FAAH2: variants seen among roughly 807,000 people sequenced by gnomAD.
FAAH2 encodes the protein fatty acid amide hydrolase 2.
FAAH2 carries 60 observed loss-of-function variants against 36.9 expected under a neutral mutation model. The ratio of observed to expected loss-of-function variants is 1.63; its 90% CI spans 1.32 to 2.02. The LOEUF is 2.02. Among genes scored for constraint, FAAH2 ranks in the 30% most tolerant of loss-of-function variants. The probability of loss-of-function intolerance (pLI) is 0.00; values close to 1 mark genes in which losing one functional copy is unlikely to be tolerated. For missense variants in FAAH2, 689 were observed against 397.5 expected, an observed-to-expected ratio of 1.73 and a Z score of -6.23; for synonymous variants, 214 against 143.8, an observed-to-expected ratio of 1.49 and a Z score of -3.49.
At chrX:57,192,680 A>G in the FAAH2 span, among the ~76,000 whole-genome samples, 1 of 111,999 alleles carries the variant, frequency 8.9e-6, no homozygotes, top group Non-Finnish European at 1.9e-5. Flanking sequence ...GGGACCCCAA[A>G]TGGAAGGACT....
the FAAH2 span, among the ~76,000 whole-genome samples, chrX:57,254,285 T>A: frequency 9.0e-6 from 1 of 111,667 alleles, no homozygotes; most frequent in South Asian, 3.7e-4. Flanking sequence ...AAGTCCTTAG[T>A]GACCTACAAA....
At chrX:57,175,664 C>T in the FAAH2 span, among the ~76,000 whole-genome samples, 22 of 111,168 alleles carry the variant, frequency 2.0e-4, no homozygotes, top group Admixed American at 6.7e-4. Context: ...TTTATAGGCC[C>T]TGTGAGTTTT....
intron 5 of FAAH2, among the ~76,000 whole-genome samples, chrX:57,365,355 C>T (rs1160442657): frequency 6.3e-5 from 7 of 112,000 alleles, no homozygotes; most frequent in Non-Finnish European, 1.3e-4. Context: ...GTTGGAATTT[C>T]TTTTGTATAG....
chrX:57,208,555 G>T, the FAAH2 span, among the ~76,000 whole-genome samples: 1 of 111,610 alleles, frequency 9.0e-6, no homozygotes, highest in Non-Finnish European at 1.9e-5. Flanking sequence ...GCTGGGACCA[G>T]CTCAGTCGTG....
intron 5 of FAAH2, among the ~76,000 whole-genome samples, chrX:57,369,995 T>C (rs2054510911): frequency 8.9e-6 from 1 of 111,745 alleles, no homozygotes; most frequent in Non-Finnish European, 1.9e-5. Context: ...AACTTAAAAT[T>C]ATTTATTGTA....
At chrX:57,252,618 G>A in the FAAH2 span, among the ~76,000 whole-genome samples, 1 of 112,013 alleles carries the variant, frequency 8.9e-6, no homozygotes, top group Admixed American at 9.4e-5. Flanking sequence ...GTGATACCCA[G>A]GCAAACAGGG....
At chrX:57,264,681 G>T in the FAAH2 span, among the ~76,000 whole-genome samples, 1 of 112,258 alleles carries the variant, frequency 8.9e-6, no homozygotes, top group African/African-American at 3.2e-5. Context: ...CCCATTACTG[G>T]GTATATACCC....
At chrX:57,270,453 A>T in the FAAH2 span, among the ~76,000 whole-genome samples, 1 of 112,441 alleles carries the variant, frequency 8.9e-6, no homozygotes, top group African/African-American at 3.2e-5. Flanking sequence ...ATGAACACTG[A>T]TGCAAAAATC....
At chrX:57,191,690 C>A in the FAAH2 span, among the ~76,000 whole-genome samples, 1 of 111,735 alleles carries the variant, frequency 8.9e-6, no homozygotes, top group Non-Finnish European at 1.9e-5. Context: ...TTCTAGTTTC[C>A]TTCTTCTGCA....
the FAAH2 span, among the ~76,000 whole-genome samples, chrX:57,213,605 C>A: frequency 4.6e-4 from 51 of 111,543 alleles, no homozygotes; most frequent in East Asian, 8.4e-3. Context: ...TTCAGGAGTA[C>A]GTTATTTAAT....
rs1292094575 is a variant in FAAH2 at position 57,286,859 on chromosome X, T to A, written c.34T>A (p.Phe12Ile). The A allele has an allele frequency of 8.4e-7, 1 of 1,192,886 alleles. No homozygotes were observed. The highest frequency in any genetic ancestry group is 1.8e-5 in the African/African-American group (1 of 56,510). The change falls in exon 1 of 11, where the codon TTC (phenylalanine) becomes ATC (isoleucine). Residue 12 changes from phenylalanine to isoleucine, a missense_variant. Transcript: ENST00000374900. ...TTCATTTACCGCCCGCATTCAGTTGTTCCTCTTGCGGGCGCTAGGCTTTCT... is the reference window on the plus strand; with the variant it reads ...TTCATTTACCGCCCGCATTCAGTTGATCCTCTTGCGGGCGCTAGGCTTTCT... ...APSFTARIQL[F>I]LLRALGFLIG...
At chrX:57,391,239 T>C (rs1208922107) in intron 7 of FAAH2, among the ~76,000 whole-genome samples, 1 of 111,376 alleles carries the variant, frequency 9.0e-6, no homozygotes, top group African/African-American at 3.3e-5. Context: ...AGAGGCATAA[T>C]TTGCAAATAT....
chrX:57,217,333 T>A, the FAAH2 span, among the ~76,000 whole-genome samples: 1 of 110,445 alleles, frequency 9.1e-6, no homozygotes, highest in Non-Finnish European at 1.9e-5. Context: ...TGCTTTTGGG[T>A]TTTTGGTCAT....
chrX:57,190,139 C>T, the FAAH2 span, among the ~76,000 whole-genome samples: 2 of 110,412 alleles, frequency 1.8e-5, no homozygotes. Context: ...CTGGCCACAG[C>T]CACTTTGCTG....
the FAAH2 span, among the ~76,000 whole-genome samples, chrX:57,153,829 A>G: frequency 2.7e-5 from 3 of 112,591 alleles, no homozygotes; most frequent in African/African-American, 9.7e-5. Context: ...CCTGAGGACA[A>G]TTTGCCTAGG....
chrX:57,483,219 T>C (rs983722063), intron 10 of FAAH2, among the ~76,000 whole-genome samples: 39 of 111,476 alleles, frequency 3.5e-4, no homozygotes, highest in Middle Eastern at 4.7e-3. Context: ...AAAATTATTT[T>C]TTTCTTTATT....
the FAAH2 span, among the ~76,000 whole-genome samples, chrX:57,270,996 G>A: frequency 1.8e-5 from 2 of 112,035 alleles, no homozygotes; most frequent in Non-Finnish European, 3.8e-5. Context: ...CACTCCCCTT[G>A]AAATGGCAGC....
intron 5 of FAAH2, among the ~76,000 whole-genome samples, chrX:57,350,478 G>C (rs773626888): frequency 1.0e-4 from 11 of 110,382 alleles, no homozygotes; most frequent in African/African-American, 3.3e-4. Context: ...GCAGAAAACA[G>C]TTGACAATAT....
chrX:57,379,336 C>T (rs1033068323), intron 6 of FAAH2, among the ~76,000 whole-genome samples: 5 of 111,337 alleles, frequency 4.5e-5, no homozygotes, highest in African/African-American at 1.6e-4. Context: ...CAGTTTCTTA[C>T]CATCACATTT....
Sources: allele counts gnomAD v4.1 joint callset (sites outside exome capture counted in the v4.1 genomes callset), GRCh38; gene constraint gnomAD v4.1.1; transcripts MANE v1.5; gene names NCBI Gene and HGNC (gene_info 2026-07-23, HGNC 2026-07-21).